DNAAF11: variants seen among roughly 807,000 people sequenced by gnomAD.
DNAAF11 encodes leucine rich repeat containing 6.
A neutral mutation model predicts 60.8 loss-of-function variants in DNAAF11; 45 were observed. The ratio of observed to expected loss-of-function variants is 0.74; its 90% confidence interval spans 0.58 to 0.95. The LOEUF (loss-of-function observed/expected upper bound fraction) is 0.95. Among genes scored for constraint, DNAAF11 ranks in the 40% least tolerant of loss-of-function variants. The pLI, the probability that DNAAF11 is intolerant of heterozygous loss-of-function variation, is 0.00. For synonymous variants in DNAAF11, 191 were observed against 183.5 expected (o/e 1.04, Z -0.33); for missense variants, 546 against 546.2 (o/e 1.00, Z 0.00).
At chr8:132,635,592 T>C (rs1369055931) in intron 4 of DNAAF11, among the ~76,000 whole-genome samples, 2 of 152,190 alleles carry the variant, frequency 1.3e-5, no homozygotes, top group African/African-American at 4.8e-5. Flanking sequence ...CTATCTAAAA[T>C]AACTACTCTG....
At chr8:132,580,072 A>G (rs1815167430) in intron 11 of DNAAF11, among the ~76,000 whole-genome samples, 2 of 152,104 alleles carry the variant, frequency 1.3e-5, no homozygotes, top group African/African-American at 2.4e-5. Flanking sequence ...ATAGAACAAG[A>G]ACAGAAATAG....
In DNAAF11 at chr8:132,595,348, G is replaced by GA. The variant is rs71306394; in HGVS notation, c.1141-11570dup. Reference sequence around the variant, plus strand: ...TCCCGAAAGAGAGAGAGACAGAGGGGAAAAAAAAAAAAAAAAAAAAAAAAA... The same window carrying GA: ...TCCCGAAAGAGAGAGAGACAGAGGGGAAAAAAAAAAAAAAAAAAAAAAAAAA... On this transcript the variant is annotated intron_variant, in intron 10 of 11. Transcript: ENST00000620350. Among the ~76,000 whole-genome samples, 10 of 57,434 alleles carry GA rather than the reference G, an allele frequency of 1.7e-4. 2 individuals carry two copies. Among genetic ancestry groups the GA allele is most frequent in the Non-Finnish European group, 3.0e-4 (10 of 33,898 alleles). 37.7% of individuals were successfully genotyped at this position (57,434 alleles called of 152,430 possible).
At chr8:132,681,586 A>G in the DNAAF11 span, among the ~76,000 whole-genome samples, 1 of 152,150 alleles carries the variant, frequency 6.6e-6, no homozygotes, top group African/African-American at 2.4e-5. Context: ...TAAAGAAAGC[A>G]CTGGAAAATT....
At chr8:132,638,215 C>A (rs1282536365) in intron 3 of DNAAF11, 108 bp from the exon 4 acceptor site, 4 of 802,942 alleles carry the variant, frequency 5.0e-6, no homozygotes, top group Admixed American at 2.3e-5. Flanking sequence ...TATTTTCAGT[C>A]TGCTGATTTA....
chr8:132,609,967 C>T (rs1168129900), intron 10 of DNAAF11, among the ~76,000 whole-genome samples, 199 bp downstream of exon 10: 3 of 152,132 alleles, frequency 2.0e-5, no homozygotes, highest in African/African-American at 7.2e-5. Context: ...GGATAAACCA[C>T]CTTAGGCCCC....
chr8:132,647,637 G>T (rs1822536864), intron 3 of DNAAF11, among the ~76,000 whole-genome samples: 2 of 152,162 alleles, frequency 1.3e-5, no homozygotes, highest in Non-Finnish European at 2.9e-5. Context: ...CAGAAGAAAA[G>T]AGAGAAGAAT....
chr8:132,691,406 T>C, the DNAAF11 span, among the ~76,000 whole-genome samples: 1 of 152,204 alleles, frequency 6.6e-6, no homozygotes, highest in Non-Finnish European at 1.5e-5. Flanking sequence ...AGGCTCATCT[T>C]GTATGTTTCA....
chr8:132,675,666 G>A (rs1047674861), upstream of DNAAF11: 2 of 578,496 alleles, frequency 3.5e-6, no homozygotes, highest in Non-Finnish European at 3.0e-6. Flanking sequence ...GAGCTCCGCG[G>A]AGCAAGCAGA....
rs1821483171 is a variant in DNAAF11 at position 132,638,079 on chromosome 8, C to A, written c.285G>T (p.Leu95=). The change falls in exon 4 of 12, where the codon CTG becomes CTT. Residue 95 remains leucine, a synonymous_variant. Coordinates refer to ENST00000620350, the MANE Select transcript of DNAAF11 (RefSeq NM_012472.6). The part of the protein sequence containing the change: ...EGCEELAKLD[L]TVNFIGELSS... ...TCAGCTCTCCAATGAAATTCACAGT[C>A]AGGTCAAGTTTTGCCAGCTCTTCAC... is the stretch of plus-strand genomic sequence containing the variant. 2.5e-6 allele frequency: 4 copies of A among 1,614,034 alleles called. No homozygotes were observed. In the East Asian group the frequency reaches 8.9e-5, roughly 36 times the overall value.
chr8:132,686,985 T>A, the DNAAF11 span, among the ~76,000 whole-genome samples: 2 of 152,314 alleles, frequency 1.3e-5, no homozygotes, highest in South Asian at 4.1e-4. Flanking sequence ...AACTTCATGA[T>A]GACAGAAAAC....
At chr8:132,632,279 A>G (rs1332009786) in intron 5 of DNAAF11, among the ~76,000 whole-genome samples, 3 of 152,198 alleles carry the variant, frequency 2.0e-5, no homozygotes, top group Non-Finnish European at 4.4e-5. Flanking sequence ...TTTAATTTTT[A>G]AAAAACCAAT....
At chr8:132,675,608 C>A (rs1825725415), upstream of DNAAF11, 1 of 1,162,376 alleles carries the variant, frequency 8.6e-7, no homozygotes, top group Non-Finnish European at 1.2e-6. Flanking sequence ...GCCATGGCAA[C>A]GGGGACTCTA....
the DNAAF11 span, among the ~76,000 whole-genome samples, chr8:132,690,407 T>A: frequency 6.6e-6 from 1 of 152,182 alleles, no homozygotes; most frequent in South Asian, 2.1e-4. Context: ...CTGCTTCCCC[T>A]TCCACCACGA....
At position 132,572,358 on chromosome 8, in the gene DNAAF11, C is replaced by G; in HGVS notation, c.1349G>C (p.Ser450Thr). Residue 450 changes from serine to threonine, a missense_variant, in exon 12 of 12, where the codon AGT (serine) becomes ACT (threonine). Transcript: ENST00000620350. The stretch of plus-strand genomic sequence containing the variant: ...GTCTTCAAAGGTTGGGTCTTCCTCA[C>G]TTGGTATAATTTTGGGTTCAGGTCG... ...RRRPEPKIIPSEEDPTFEDNP... is the reference protein window; with the variant it reads ...RRRPEPKIIPTEEDPTFEDNP... The G allele has an allele frequency of 6.2e-7, 1 of 1,613,976 alleles. No individual in the cohort carries two copies. The highest frequency in any genetic ancestry group is 8.5e-7 in the Non-Finnish European group (1 of 1,179,938).
At chr8:132,693,577 C>T in the DNAAF11 span, among the ~76,000 whole-genome samples, 45 of 151,670 alleles carry the variant, frequency 3.0e-4, no homozygotes, top group Non-Finnish European at 6.0e-4. Flanking sequence ...CCTCAAGAAG[C>T]TTATATTAAT....
At chr8:132,598,332 T>A (rs1351899339) in intron 10 of DNAAF11, among the ~76,000 whole-genome samples, 3 of 152,154 alleles carry the variant, frequency 2.0e-5, no homozygotes, top group Admixed American at 6.5e-5. Flanking sequence ...ACATGACACA[T>A]CTATTTATTA....
the DNAAF11 span, among the ~76,000 whole-genome samples, chr8:132,698,569 A>G: frequency 6.6e-6 from 1 of 152,170 alleles, no homozygotes; most frequent in Non-Finnish European, 1.5e-5. Flanking sequence ...GGCACAGTCA[A>G]TATTTCCACC....
intron 5 of DNAAF11, among the ~76,000 whole-genome samples, chr8:132,628,360 C>T (rs549771534): frequency 9.9e-5 from 15 of 151,902 alleles, no homozygotes; most frequent in African/African-American, 2.7e-4. Context: ...TGCGGTGAGC[C>T]GAGATTGCGC....
chr8:132,665,105 TC>T (rs1824502677), intron 1 of DNAAF11, among the ~76,000 whole-genome samples: 1 of 152,080 alleles, frequency 6.6e-6, no homozygotes, highest in Non-Finnish European at 1.5e-5. Context: ...TGTGGAAATT[TC>T]CCAGCAGATC....
Sources: allele counts gnomAD v4.1 joint callset (sites outside exome capture counted in the v4.1 genomes callset), GRCh38; gene constraint gnomAD v4.1.1; transcripts MANE v1.5; gene names NCBI Gene and HGNC (gene_info 2026-07-23, HGNC 2026-07-21).